The following CPNE4 variants were observed in gnomAD, a reference collection of about 807,000 sequenced individuals.
CPNE4 encodes the protein copine 4.
In CPNE4, 25 loss-of-function variants were observed where a neutral mutation model predicts 67.9. The observed-to-expected ratio is 0.37, with a 90% CI of 0.27 to 0.51. The LOEUF (loss-of-function observed/expected upper bound fraction) is 0.51, where lower values mean the gene tolerates loss of function less well. CPNE4 is among the 20% of genes least tolerant of loss of function. CPNE4 has a pLI of 0.93. For synonymous variants in CPNE4, 242 were observed against 244.9 expected (o/e 0.99, Z 0.11); for missense variants, 464 against 690.8 (o/e 0.67, Z 3.68).
intron 7 of CPNE4, among the ~76,000 whole-genome samples, chr3:131,662,128 A>G (rs1288805116): frequency 6.6e-6 from 1 of 152,152 alleles, no homozygotes; most frequent in East Asian, 1.9e-4. Flanking sequence ...ATTCTAAAAG[A>G]TTAGAGGCAA....
chr3:131,840,998 C>A (rs2085759653), intron 2 of CPNE4, among the ~76,000 whole-genome samples: 1 of 152,132 alleles, frequency 6.6e-6, no homozygotes, highest in African/African-American at 2.4e-5. Flanking sequence ...CATTCATCAC[C>A]ACTTCTTAAG....
chr3:131,862,521 G>T (rs12636973), intron 2 of CPNE4, among the ~76,000 whole-genome samples: 11,637 of 151,864 alleles, frequency 0.077, 586 homozygotes, highest in East Asian at 0.17. Flanking sequence ...TAATTGATCT[G>T]TCAAAAATCC....
chr3:131,713,820 C>T (rs1422531956), intron 3 of CPNE4, among the ~76,000 whole-genome samples: 2 of 152,086 alleles, frequency 1.3e-5, no homozygotes, highest in African/African-American at 4.8e-5. Context: ...TTATATTCTC[C>T]CTGTAGAAAT....
At chr3:131,798,732 ACTT>A (rs1040178454) in intron 2 of CPNE4, among the ~76,000 whole-genome samples, 24 of 152,142 alleles carry the variant, frequency 1.6e-4, no homozygotes, top group African/African-American at 4.6e-4. Context: ...GCAAGGAATG[ACTT>A]CTTCTTCTCT....
intron 10 of CPNE4, among the ~76,000 whole-genome samples, chr3:131,568,621 C>A (rs1937178951): frequency 6.6e-6 from 1 of 151,916 alleles, no homozygotes; most frequent in Non-Finnish European, 1.5e-5. Flanking sequence ...AGCCACTGCT[C>A]ATTATTAAGC....
intron 2 of CPNE4, among the ~76,000 whole-genome samples, chr3:131,792,623 A>ATATATATATATATACACGTGTGTATATG (rs1560321051): frequency 1.3e-5 from 1 of 76,046 alleles, no homozygotes; most frequent in Non-Finnish European, 2.7e-5. Context: ...ATATATGTAT[A>ATATATATATATATACACGTGTGTATATG]TATATATACA....
At chr3:131,931,140 G>A (rs983909092) in intron 1 of CPNE4, among the ~76,000 whole-genome samples, 1 of 152,114 alleles carries the variant, frequency 6.6e-6, no homozygotes, top group East Asian at 1.9e-4. Context: ...GTTATGGTAG[G>A]AAGTATAGCC....
intron 2 of CPNE4, among the ~76,000 whole-genome samples, chr3:131,787,451 AGGC>A (rs1200851274): frequency 6.6e-6 from 1 of 152,132 alleles, no homozygotes; most frequent in Non-Finnish European, 1.5e-5. Context: ...CCACATGACA[AGGC>A]TTTTTATATC....
intron 8 of CPNE4, among the ~76,000 whole-genome samples, chr3:131,584,850 C>T (rs950371267): frequency 1.3e-5 from 2 of 152,152 alleles, no homozygotes; most frequent in East Asian, 1.9e-4. Flanking sequence ...ATTTAAATAG[C>T]CACATGTAGC....
At chr3:132,005,795 A>AG (rs2073586032) in intron 1 of CPNE4, among the ~76,000 whole-genome samples, 1 of 63,288 alleles carries the variant, frequency 1.6e-5, no homozygotes, top group Admixed American at 1.4e-4. Flanking sequence ...TTGAAAAAAA[A>AG]AATCCACTTC....
chr3:131,712,480 C>T (rs181293109), intron 3 of CPNE4, among the ~76,000 whole-genome samples: 1 of 152,344 alleles, frequency 6.6e-6, no homozygotes, highest in African/African-American at 2.4e-5. Flanking sequence ...TAACCAATAA[C>T]TAAATTTCAT....
At chr3:131,952,779 G>A (rs1422905452) in intron 1 of CPNE4, among the ~76,000 whole-genome samples, 3 of 152,198 alleles carry the variant, frequency 2.0e-5, no homozygotes, top group Non-Finnish European at 4.4e-5. Context: ...GGATGACCAT[G>A]GCGGTTTTGT....
intron 2 of CPNE4, among the ~76,000 whole-genome samples, chr3:131,766,010 G>A (rs1483693742): frequency 6.6e-6 from 1 of 152,072 alleles, no homozygotes; most frequent in Non-Finnish European, 1.5e-5. Flanking sequence ...CAGGGAAGGT[G>A]GGCCTTGAAA....
intron 6 of CPNE4, among the ~76,000 whole-genome samples, chr3:131,673,555 T>TG (rs2080480899): frequency 6.6e-6 from 1 of 152,076 alleles, no homozygotes; most frequent in Non-Finnish European, 1.5e-5. Context: ...TTCACTTTTT[T>TG]GGTAAGTGAA....
intron 8 of CPNE4, among the ~76,000 whole-genome samples, chr3:131,585,359 G>A (rs1938109761): frequency 6.6e-6 from 1 of 152,114 alleles, no homozygotes; most frequent in South Asian, 2.1e-4. Flanking sequence ...TTTACTAGGT[G>A]CTACTCGATA....
At chr3:131,539,946 C>G (rs1181347662) in intron 15 of CPNE4, among the ~76,000 whole-genome samples, 1 of 152,192 alleles carries the variant, frequency 6.6e-6, no homozygotes, top group Non-Finnish European at 1.5e-5. Context: ...CAAATTTAGC[C>G]TGCTCTAGCT....
chr3:131,982,813 A>G (rs187999092), intron 1 of CPNE4, among the ~76,000 whole-genome samples: 1 of 152,082 alleles, frequency 6.6e-6, no homozygotes, highest in East Asian at 1.9e-4. Context: ...ATTGGCTTAT[A>G]ATAAGGAAAC....
chr3:131,949,531 A>C (rs2071657998), intron 1 of CPNE4, among the ~76,000 whole-genome samples: 1 of 152,240 alleles, frequency 6.6e-6, no homozygotes, highest in South Asian at 2.1e-4. Context: ...TTTAAAGATG[A>C]AACATGAAGG....
chr3:131,988,709 A>G (rs1190746621), intron 1 of CPNE4, among the ~76,000 whole-genome samples: 1 of 152,244 alleles, frequency 6.6e-6, no homozygotes, highest in African/African-American at 2.4e-5. Context: ...CAGGCTTACC[A>G]GAATAATCTC....
Sources: allele counts gnomAD v4.1 joint callset (sites outside exome capture counted in the v4.1 genomes callset), GRCh38; gene constraint gnomAD v4.1.1; transcripts MANE v1.5; gene names NCBI Gene and HGNC (gene_info 2026-07-23, HGNC 2026-07-21).